ZNF787: variants seen among roughly 807,000 people sequenced by gnomAD.
ZNF787 encodes the protein TTF-I-interacting peptide 20.
In ZNF787, 7 loss-of-function variants were observed where a neutral mutation model predicts 16.9. The ratio of observed to expected loss-of-function variants is 0.42; its 90% CI spans 0.24 to 0.78. ZNF787 has a LOEUF of 0.78. ZNF787 is among the 30% of genes least tolerant of loss of function. The pLI, the probability that ZNF787 is intolerant of heterozygous loss-of-function variation, is 0.30. For synonymous variants in ZNF787, 345 were observed against 270.9 expected (o/e 1.27, Z -2.69); for missense variants, 551 against 589.3 (o/e 0.94, Z 0.67).
chr19:56,120,285 A>G (rs567034406), intron 1 of ZNF787, among the ~76,000 whole-genome samples: 67 of 152,010 alleles, frequency 4.4e-4, no homozygotes, highest in African/African-American at 1.5e-3. Flanking sequence ...TGCAGGTCCC[A>G]GAGCACTCAT....
rs764313199 is a variant in ZNF787 at position 56,099,713 on chromosome 19, A to AAAT, written c.79+3425_79+3426insATT. Among the ~76,000 whole-genome samples the AAAT allele has an allele frequency of 1.9e-4, 28 of 150,678 alleles. 1 individual carries two copies. The highest frequency in any genetic ancestry group is 3.8e-4 in the Non-Finnish European group (26 of 67,578). Reference sequence around the variant, plus strand: ...GAGACAGAGTGAGGCTCCGTCTCAAAAAAAAAAAAAAAGAAAAGAGAGAGA... The same window carrying AAAT: ...GAGACAGAGTGAGGCTCCGTCTCAAAAATAAAAAAAAAAAAGAAAAGAGAGAGA... On this transcript the variant is annotated intron_variant, in intron 2 of 2. Transcript: ENST00000610935.
At chr19:56,094,110 G>C (rs1453790065) in intron 2 of ZNF787, among the ~76,000 whole-genome samples, 1 of 151,214 alleles carries the variant, frequency 6.6e-6, no homozygotes, top group Non-Finnish European at 1.5e-5. Context: ...TGCAACCTTC[G>C]CCTCTCAGGT....
At chr19:56,115,354 CTTTTTTTTTTTT>C (rs543989293) in intron 1 of ZNF787, among the ~76,000 whole-genome samples, 1 of 113,166 alleles carries the variant, frequency 8.8e-6, no homozygotes, top group Non-Finnish European at 1.8e-5. Flanking sequence ...GATTTCGCTG[CTTTTTTTTTTTT>C]TTTTTTTTTT....
intron 1 of ZNF787, among the ~76,000 whole-genome samples, chr19:56,115,277 C>T (rs1195173504): frequency 2.0e-5 from 3 of 151,926 alleles, no homozygotes; most frequent in South Asian, 2.1e-4. Context: ...GGGTTCAGGA[C>T]GCAGAGGGAA....
At chr19:56,111,849 G>A (rs685117) in intron 1 of ZNF787, among the ~76,000 whole-genome samples, 129,267 of 152,120 alleles carry the variant, frequency 0.85, 56,736 homozygotes, top group Non-Finnish European at 0.98. Context: ...TGCCACCCGC[G>A]GAAATGGCTG....
rs1225933461 is a variant in ZNF787, at chr19:56,088,612, A to G, written c.560T>C (p.Phe187Ser). The stretch of plus-strand genomic sequence containing the variant: ...ACGCGCGAGGCTCTTGGGCTGGCTG[A>G]AGCCGCGGCCGCAGCGCGGGCACAC... ...PFVCPRCGRG[F>S]SQPKSLARHL... The change falls in exon 3 of 3, where the codon TTC (phenylalanine) becomes TCC (serine). Residue 187 changes from phenylalanine to serine, a missense_variant. Around this residue, in one of 4 missense-constraint regions of ZNF787, gnomAD observed 392 missense variants for 312.7 expected, o/e 1.25. Transcript: ENST00000610935. This position sits in a 1 kb window ranked among gnomAD's most constrained non-coding sequence, Gnocchi z 8.6. The G allele has an allele frequency of 6.6e-7, 1 of 1,520,956 alleles. No individual in the cohort carries two copies. Among genetic ancestry groups the G allele is most frequent in the Admixed American group, 2.1e-5 (1 of 47,964 alleles). The allele number at this position is 1,520,956 out of a possible 1,614,324, so 94.2% of individuals were successfully genotyped here.
At position 56,088,488 on chromosome 19, in the gene ZNF787, C is replaced by T. The variant is rs1392322536; in HGVS notation, c.684G>A (p.Ala228=). The change falls in exon 3 of 3, where the codon GCG becomes GCA. Residue 228 remains alanine (A), a synonymous_variant. Coordinates refer to ENST00000610935, the MANE Select transcript of ZNF787 (RefSeq NM_001002836.4). This position sits in a 1 kb window ranked among gnomAD's most constrained non-coding sequence, Gnocchi z 8.6. ...RRAKGPEEAV[A]ADGEIAIPVG... The stretch of plus-strand genomic sequence containing the variant: ...CGGGGATGGCGATCTCGCCGTCCGC[C>T]GCCACCGCCTCTTCGGGCCCCTTGG... The T allele has an allele frequency of 3.0e-6, 4 of 1,355,638 alleles. No individual in the cohort carries two copies. The highest frequency in any genetic ancestry group is 3.8e-6 in the Non-Finnish European group (4 of 1,056,420). 84.0% of individuals were successfully genotyped at this position (1,355,638 alleles called of 1,614,324 possible).
chr19:56,116,423 C>T (rs1181355121), intron 1 of ZNF787, among the ~76,000 whole-genome samples: 4 of 152,050 alleles, frequency 2.6e-5, no homozygotes, highest in Admixed American at 6.5e-5. Context: ...GCCTGGGCGA[C>T]GGAGTGAGAT....
chr19:56,113,032 A>G (rs1007958815), intron 1 of ZNF787, among the ~76,000 whole-genome samples: 5 of 151,634 alleles, frequency 3.3e-5, no homozygotes, highest in Admixed American at 2.0e-4. Flanking sequence ...CCCTCCTCAC[A>G]CCACACACCA....
chr19:56,087,382 C>G lies in ZNF787; in HGVS notation c.*641G>C, dbSNP rs894525908. 13 of 151,984 alleles carry G rather than the reference C, an allele frequency of 8.6e-5. No homozygotes were observed. The highest frequency in any genetic ancestry group is 2.9e-4 in the African/African-American group (12 of 41,186). The allele number at this position is 151,984 out of a possible 1,614,324, so 9.4% of individuals were successfully genotyped here. On this transcript the variant is annotated 3_prime_UTR_variant, in exon 3 of 3. Transcript: ENST00000610935. ...GCAGAGGGGGACATTTGGATAGTGC[C>G]GTTTATTGTTCCAGCACCCCTTCCT...
In ZNF787 at chr19:56,088,386, C is replaced by A. The variant is rs1985426204; in HGVS notation, c.786G>T (p.Ala262=). 1 of 1,104,138 alleles carries A rather than the reference C, an allele frequency of 9.1e-7. No homozygotes were observed. Among genetic ancestry groups the A allele is most frequent in the South Asian group, 4.3e-5 (1 of 23,526 alleles). The allele number at this position is 1,104,138 out of a possible 1,614,324, so 68.4% of individuals were successfully genotyped here. A position where few individuals can be genotyped will look rare whatever the true frequency, so the allele number is the denominator to read the frequency against. The change falls in exon 3 of 3, where the codon GCG becomes GCT. Residue 262 remains alanine, a synonymous_variant. Transcript: ENST00000610935. This position sits in a 1 kb window ranked among gnomAD's most constrained non-coding sequence, Gnocchi z 8.6. The part of the protein sequence containing the change: ...GAAAAAAMAG[A]GAKAAGPRSR... ...ACCGGGGCCCCGCGGCCTTTGCCCCCGCGCCCGCCATGGCTGCCGCGGCCG... is the reference window on the plus strand; with the variant it reads ...ACCGGGGCCCCGCGGCCTTTGCCCCAGCGCCCGCCATGGCTGCCGCGGCCG...
intron 2 of ZNF787, among the ~76,000 whole-genome samples, chr19:56,096,279 T>C (rs1232410923): frequency 9.9e-6 from 1 of 100,726 alleles, no homozygotes; most frequent in Non-Finnish European, 2.6e-5. Context: ...ACTAGCTGGG[T>C]GTGGTGGCGT....
At position 56,116,334 on chromosome 19, in the gene ZNF787, G is replaced by A. The variant is rs993509353; in HGVS notation, c.-11+4838C>T. On this transcript the variant is annotated intron_variant, in intron 1 of 2. Coordinates refer to ENST00000610935, the MANE Select transcript of ZNF787 (RefSeq NM_001002836.4). ...GCGGGCGCCTGTAGTCCCAGCTACCGGGGAGGCTGAGGCAGGAGAATGGCA... is the reference window on the plus strand; with the variant it reads ...GCGGGCGCCTGTAGTCCCAGCTACCAGGGAGGCTGAGGCAGGAGAATGGCA... 1.3e-4 allele frequency among the ~76,000 whole-genome samples: 20 copies of A among 152,118 alleles called. No homozygotes were observed. In the Middle Eastern group the frequency reaches 0.01, roughly 78 times the overall value.
chr19:56,089,011 G>A lies in ZNF787; in HGVS notation c.161C>T (p.Ala54Val). Residue 54 changes from alanine (A) to valine (V), a missense_variant, in exon 3 of 3, where the codon GCC becomes GTC. Transcript: ENST00000610935. ...CGGCCGCGGCCGGGGAGGCGGGCCG[G>A]CTGGGGGCGCAGACTGGGGCGGGGA... Reference protein sequence around the residue: ...KLSPPQSAPPAGPPPRPRPPA... With the variant: ...KLSPPQSAPPVGPPPRPRPPA... The A allele has an allele frequency of 6.7e-7, 1 of 1,487,012 alleles. No homozygotes were observed. Among genetic ancestry groups the A allele is most frequent in the Non-Finnish European group, 8.9e-7 (1 of 1,121,374 alleles). 92.1% of individuals were successfully genotyped at this position (1,487,012 alleles called of 1,614,324 possible). A position where few individuals can be genotyped will look rare whatever the true frequency, so the allele number is the denominator to read the frequency against.
At chr19:56,098,315 T>C (rs943701035) in intron 2 of ZNF787, among the ~76,000 whole-genome samples, 5 of 152,202 alleles carry the variant, frequency 3.3e-5, no homozygotes, top group African/African-American at 1.2e-4. Context: ...GGGACCCACC[T>C]GCCCTGGCCA....
In ZNF787 at chr19:56,087,801, CCAGGCTGAGGGGG is replaced by C; in HGVS notation, c.*209_*221del. The C allele has an allele frequency of 1.5e-6, 1 of 688,360 alleles. No homozygotes were observed. The highest frequency in any genetic ancestry group is 2.0e-6 in the Non-Finnish European group (1 of 501,036). 42.6% of individuals were successfully genotyped at this position (688,360 alleles called of 1,614,324 possible). A position where few individuals can be genotyped will look rare whatever the true frequency, so the allele number is the denominator to read the frequency against. ...AGGCCGATAACTTAGGAAGGGCGGG[CCAGGCTGAGGGGG>C]CAGAGTCTCGAGGCGGAGAAGTGAA... On this transcript the variant is annotated 3_prime_UTR_variant, in exon 3 of 3. Coordinates refer to ENST00000610935, the MANE Select transcript of ZNF787 (RefSeq NM_001002836.4).
intron 2 of ZNF787, among the ~76,000 whole-genome samples, chr19:56,095,157 A>G (rs1046068290): frequency 1.2e-4 from 18 of 152,164 alleles, no homozygotes; most frequent in Non-Finnish European, 2.4e-4. Flanking sequence ...TAGACCCCTC[A>G]TATGTGCAGT....
intron 2 of ZNF787, among the ~76,000 whole-genome samples, chr19:56,092,413 G>A (rs1414584182): frequency 6.6e-6 from 1 of 151,976 alleles, no homozygotes; most frequent in African/African-American, 2.4e-5. Flanking sequence ...GATCCCCTAC[G>A]CCCCAGGCTC....
At chr19:56,098,704 ACCAGGTGATTACGGCCG>A (rs1985971010) in intron 2 of ZNF787, among the ~76,000 whole-genome samples, 2 of 3,440 alleles carry the variant, frequency 5.8e-4, no homozygotes, top group African/African-American at 3.3e-3. Context: ...TGATACGGCC[ACCAGGTGATTACGGCCG>A]CAGGGTGATG....
Sources: gnomAD v4.1 joint callset for allele counts (sites outside exome capture counted in the v4.1 genomes callset) on GRCh38, gnomAD v4.1.1 for gene constraint, gnomAD v4.1.1 regional missense constraint, Gnocchi (gnomAD v3.1) non-coding constraint, MANE v1.5 for transcripts, NCBI Gene and HGNC (gene_info 2026-07-23, HGNC 2026-07-21) for gene names.